GPHN: variants seen among roughly 807,000 people sequenced by gnomAD.
GPHN encodes the protein gephyrin.
In GPHN, 17 loss-of-function variants were observed where a neutral mutation model predicts 95.5. The observed-to-expected ratio is 0.18, with a 90% CI of 0.12 to 0.27. The LOEUF (loss-of-function observed/expected upper bound fraction) is 0.27. GPHN is among the 10% of genes least tolerant of loss of function. The probability of loss-of-function intolerance (pLI) is 1.00; values close to 1 mark genes in which losing one functional copy is unlikely to be tolerated. For missense variants in GPHN, 660 were observed against 978.1 expected, an observed-to-expected ratio of 0.67 and a Z score of 4.34; for synonymous variants, 320 against 322.5, an observed-to-expected ratio of 0.99 and a Z score of 0.08.
the GPHN span, among the ~76,000 whole-genome samples, chr14:67,255,149 CA>C: frequency 1.7e-3 from 228 of 137,520 alleles, no homozygotes; most frequent in Admixed American, 2.7e-3. Context: ...CTCCATCTCT[CA>C]AAAAAAAAAA....
the GPHN span, among the ~76,000 whole-genome samples, chr14:67,597,304 C>A: frequency 6.6e-6 from 1 of 152,044 alleles, no homozygotes; most frequent in African/African-American, 2.4e-5. Context: ...CTAGTGAGAC[C>A]CTGTCTCTAC....
the GPHN span, among the ~76,000 whole-genome samples, chr14:67,260,631 A>G: frequency 6.6e-6 from 1 of 152,210 alleles, no homozygotes; most frequent in Non-Finnish European, 1.5e-5. Flanking sequence ...GAAAATCTTA[A>G]CAGATAAAAA....
intron 9 of GPHN, among the ~76,000 whole-genome samples, chr14:67,004,485 T>TTTTTTAAAAATTTTAAAAA (rs2072464129): frequency 6.6e-6 from 1 of 151,794 alleles, no homozygotes; most frequent in Non-Finnish European, 1.5e-5. Flanking sequence ...ATATTGTCCA[T>TTTTTTAAAAATTTTAAAAA]TTTTTAAAAA....
the GPHN span, chr14:67,735,141 G>A: frequency 1.4e-5 from 12 of 851,834 alleles, no homozygotes; most frequent in East Asian, 1.9e-4. Flanking sequence ...GTGTTGATTC[G>A]ACATGTTGTT....
chr14:67,275,311 T>G, the GPHN span, among the ~76,000 whole-genome samples: 1 of 152,206 alleles, frequency 6.6e-6, no homozygotes. Flanking sequence ...CCTAGTTTAT[T>G]GAGAGTTTTT....
the GPHN span, among the ~76,000 whole-genome samples, chr14:67,598,420 G>A: frequency 6.6e-6 from 1 of 152,172 alleles, no homozygotes; most frequent in East Asian, 1.9e-4. Context: ...CTCAGAGTCA[G>A]AAAGCCCTTG....
the GPHN span, chr14:67,660,041 A>G: frequency 3.9e-6 from 4 of 1,038,088 alleles, no homozygotes; most frequent in African/African-American, 3.2e-5. Context: ...GTAAATAACC[A>G]TATGCTCCAT....
chr14:67,518,374 C>T, the GPHN span, among the ~76,000 whole-genome samples: 1 of 152,176 alleles, frequency 6.6e-6, no homozygotes, highest in African/African-American at 2.4e-5. Flanking sequence ...GGCAATAATA[C>T]CCAAGCCCAG....
chr14:67,625,809 T>A, the GPHN span, among the ~76,000 whole-genome samples: 2 of 149,024 alleles, frequency 1.3e-5, no homozygotes, highest in Non-Finnish European at 3.0e-5. Flanking sequence ...ATATACCTGA[T>A]AAGATTCTAG....
chr14:66,800,642 T>C (rs2060314358), intron 3 of GPHN, among the ~76,000 whole-genome samples: 1 of 152,156 alleles, frequency 6.6e-6, no homozygotes, highest in South Asian at 2.1e-4. Context: ...CATTGGGAGT[T>C]TGAATACTAA....
the GPHN span, chr14:67,724,642 C>T: frequency 7.5e-7 from 1 of 1,328,092 alleles, no homozygotes; most frequent in Non-Finnish European, 1.1e-6. Context: ...CACCCTTCTT[C>T]CCACTGGGGC....
chr14:67,328,506 G>C, the GPHN span, among the ~76,000 whole-genome samples: 30 of 152,256 alleles, frequency 2.0e-4, no homozygotes, highest in East Asian at 4.0e-3. Flanking sequence ...TCAATTTTGA[G>C]TTTTGTTGCC....
chr14:66,717,513 G>A (rs1271406080), intron 2 of GPHN, among the ~76,000 whole-genome samples: 1 of 152,000 alleles, frequency 6.6e-6, no homozygotes, highest in Non-Finnish European at 1.5e-5. Flanking sequence ...AGGTAAATCA[G>A]GGATTTTTTC....
the GPHN span, chr14:67,359,536 ACCTGGG>A: frequency 8.9e-7 from 1 of 1,125,894 alleles, no homozygotes. Context: ...CAAGAAAAGA[ACCTGGG>A]AAAAGCTCAG....
intron 9 of GPHN, chr14:66,969,850 A>G (rs2069625452): frequency 6.6e-6 from 1 of 151,798 alleles, no homozygotes; most frequent in Non-Finnish European, 1.5e-5. Context: ...AAGAAGCTTA[A>G]GGCAGAAAAT....
the GPHN span, among the ~76,000 whole-genome samples, chr14:67,430,452 T>C: frequency 1.3e-5 from 2 of 152,266 alleles, no homozygotes; most frequent in Admixed American, 6.5e-5. Flanking sequence ...AGGGGAGGGC[T>C]GTATGGTAAA....
intron 9 of GPHN, among the ~76,000 whole-genome samples, chr14:66,970,659 T>C (rs1305037334): frequency 2.0e-5 from 3 of 152,186 alleles, no homozygotes; most frequent in Non-Finnish European, 2.9e-5. Flanking sequence ...TTTAAGAGCC[T>C]AACCAAAATC....
chr14:67,620,189 T>A, the GPHN span: 1 of 608,344 alleles, frequency 1.6e-6, no homozygotes, highest in Non-Finnish European at 2.5e-6. Flanking sequence ...GAGGAGAGGA[T>A]GGGGAGAAAT....
At chr14:67,515,022 G>C in the GPHN span, 2 of 152,444 alleles carry the variant, frequency 1.3e-5, no homozygotes, top group East Asian at 3.9e-4. Context: ...CGGAGCTGCC[G>C]GCCCCTCGCG....
Sources: gnomAD v4.1 joint callset for allele counts (sites outside exome capture counted in the v4.1 genomes callset) on GRCh38, gnomAD v4.1.1 for gene constraint, MANE v1.5 for transcripts, NCBI Gene and HGNC (gene_info 2026-07-23, HGNC 2026-07-21) for gene names.